The following CSF2RA variants were observed in gnomAD, a reference collection of about 807,000 sequenced individuals.
CSF2RA encodes the protein colony stimulating factor 2 receptor subunit alpha, also known as granulocyte-macrophage colony-stimulating factor receptor subunit alpha.
CSF2RA carries 42 observed loss-of-function variants against 51.6 expected under a neutral mutation model. The observed-to-expected ratio is 0.81, with a 90% CI of 0.64 to 1.05. The LOEUF is 1.05. Among genes scored for constraint, CSF2RA ranks in the 50% least tolerant of loss-of-function variants. The pLI, the probability that CSF2RA is intolerant of heterozygous loss-of-function variation, is 0.00. For missense variants in CSF2RA, 530 were observed against 501.1 expected, an observed-to-expected ratio of 1.06 and a Z score of -0.55; for synonymous variants, 222 against 193.0, an observed-to-expected ratio of 1.15 and a Z score of -1.24.
In CSF2RA at chrX:1,309,574, C is replaced by T; in HGVS notation, c.*95C>T. ...ATGCTGTGAACCTTTATATCATTTT[C>T]TATGTTTTTATTTAAAAACATGACA... On this transcript the variant is annotated 3_prime_UTR_variant, in exon 13 of 13. Transcript: ENST00000381529. 6.2e-7 allele frequency: 1 copy of T among 1,613,902 alleles called. No individual in the cohort carries two copies.
chrX:1,293,423 G>A (rs1308146147), intron 7 of CSF2RA, among the ~76,000 whole-genome samples: 1 of 152,134 alleles, frequency 6.6e-6, no homozygotes, highest in African/African-American at 2.4e-5. Flanking sequence ...GTTTCACCGT[G>A]TTAGCCAGGA....
intron 2 of CSF2RA, among the ~76,000 whole-genome samples, chrX:1,279,178 C>A (rs1204093642): frequency 1.3e-5 from 2 of 149,968 alleles, no homozygotes; most frequent in Non-Finnish European, 3.0e-5. Flanking sequence ...TGGTGAAACC[C>A]CGTCTCTACT....
At chrX:1,295,838 C>CCCCTACTCACCACATCTAGTGTAACT (rs2091891479) in intron 9 of CSF2RA, among the ~76,000 whole-genome samples, 2 of 122,690 alleles carry the variant, frequency 1.6e-5, no homozygotes, top group African/African-American at 3.3e-5. Context: ...CTAGCTTAAT[C>CCCCTACTCACCACATCTAGTGTAACT]CTACAGTCCC....
the CSF2RA span, among the ~76,000 whole-genome samples, chrX:1,324,695 G>A: frequency 1.5e-4 from 23 of 152,284 alleles, no homozygotes; most frequent in African/African-American, 5.1e-4. Context: ...CAGCAGGGCC[G>A]CTTGGGCATG....
intron 10 of CSF2RA, chrX:1,303,029 T>G: frequency 4.4e-6 from 1 of 227,638 alleles, no homozygotes; most frequent in Non-Finnish European, 8.1e-6. Flanking sequence ...GCATCACGCT[T>G]GGCCAATTTT....
At chrX:1,323,060 T>A in the CSF2RA span, among the ~76,000 whole-genome samples, 1 of 149,710 alleles carries the variant, frequency 6.7e-6, no homozygotes, top group African/African-American at 2.5e-5. Flanking sequence ...ACCCGGGAGG[T>A]GGAGGTTGCA....
intron 4 of CSF2RA, among the ~76,000 whole-genome samples, chrX:1,287,433 T>A (rs1471076042): frequency 6.6e-6 from 1 of 150,610 alleles, no homozygotes; most frequent in Non-Finnish European, 1.5e-5. Flanking sequence ...ATTACAGGTG[T>A]GAGCCACCGT....
intron 12 of CSF2RA, chrX:1,305,814 C>G: frequency 6.5e-7 from 1 of 1,540,898 alleles, no homozygotes; most frequent in Non-Finnish European, 8.8e-7. Flanking sequence ...GGCACGGTGG[C>G]TCATGCCTGT....
intron 4 of CSF2RA, among the ~76,000 whole-genome samples, chrX:1,287,630 G>T (rs1428913459): frequency 6.9e-6 from 1 of 144,706 alleles, no homozygotes; most frequent in Non-Finnish European, 1.5e-5. Context: ...TTTTAGTAGA[G>T]ACGGGGTTTC....
intron 1 of CSF2RA, among the ~76,000 whole-genome samples, chrX:1,273,258 G>A (rs2088681433): frequency 1.5e-5 from 2 of 136,082 alleles, no homozygotes; most frequent in African/African-American, 5.0e-5. Context: ...TCTGGCAAAC[G>A]TTACAAGACA....
chrX:1,314,059 C>T (rs2084301681), downstream of CSF2RA, among the ~76,000 whole-genome samples: 1 of 151,842 alleles, frequency 6.6e-6, no homozygotes, highest in Non-Finnish European at 1.5e-5. Context: ...AAACAGCCAG[C>T]AGAGATAGGG....
intron 2 of CSF2RA, among the ~76,000 whole-genome samples, chrX:1,281,564 C>T (rs1231186066): frequency 2.0e-5 from 3 of 151,768 alleles, no homozygotes; most frequent in Non-Finnish European, 1.5e-5. Context: ...CCTCCTCCTC[C>T]TTCTTTTTCC....
intron 12 of CSF2RA, 145 bp from the exon 13 acceptor site, chrX:1,309,257 G>A: frequency 1.2e-6 from 1 of 822,086 alleles, no homozygotes; most frequent in Admixed American, 2.3e-5. Context: ...CGAGGTTGCA[G>A]TGAGCTGAGA....
chrX:1,303,879 C>A, intron 10 of CSF2RA, 44 bp from the exon 11 acceptor site: 1 of 1,462,054 alleles, frequency 6.8e-7, no homozygotes, highest in Non-Finnish European at 9.6e-7. Flanking sequence ...TTTCACATGT[C>A]CGTCAACGAT....
intron 4 of CSF2RA, among the ~76,000 whole-genome samples, chrX:1,287,705 G>A (rs28541345): frequency 0.39 from 50,190 of 128,068 alleles, 10,174 homozygotes; most frequent in Admixed American, 0.46. Context: ...CGGCCTCCCA[G>A]AGTGCTGGCA....
At position 1,268,836 on chromosome X, in the gene CSF2RA, G is replaced by T. The variant is rs1333321934; in HGVS notation, c.-134G>T. On this transcript the variant is annotated 5_prime_UTR_variant, in exon 1 of 13. Transcript: ENST00000381529. ...GCTACTCAGAAGCGGGAGTCTCCGAGAGAAGAAAAGCAGGTGGAAGGAGAG... is the reference window on the plus strand; with the variant it reads ...GCTACTCAGAAGCGGGAGTCTCCGATAGAAGAAAAGCAGGTGGAAGGAGAG... 1 of 454,028 alleles carries T rather than the reference G, an allele frequency of 2.2e-6. No individual in the cohort carries two copies. The highest frequency in any genetic ancestry group is 6.9e-5 in the East Asian group (1 of 14,410). 28.1% of individuals were successfully genotyped at this position (454,028 alleles called of 1,614,324 possible). A position where few individuals can be genotyped will look rare whatever the true frequency, so the allele number is the denominator to read the frequency against.
chrX:1,273,367 A>C (rs1238663253), intron 1 of CSF2RA, among the ~76,000 whole-genome samples: 2 of 151,854 alleles, frequency 1.3e-5, no homozygotes, highest in Non-Finnish European at 2.9e-5. Flanking sequence ...GCTGGAGTGC[A>C]GTGGTGCAAT....
At chrX:1,314,381 G>GCCCAACCCCAC (rs2084362228), downstream of CSF2RA, among the ~76,000 whole-genome samples, 3 of 148,290 alleles carry the variant, frequency 2.0e-5, no homozygotes, top group African/African-American at 5.1e-5. Flanking sequence ...CAACCACTCT[G>GCCCAACCCCAC]TGCCTGCCCA....
intron 10 of CSF2RA, 127 bp from the exon 11 acceptor site, chrX:1,303,796 G>T (rs1482751568): frequency 2.3e-6 from 2 of 867,232 alleles, no homozygotes; most frequent in African/African-American, 1.6e-5. Context: ...AGGCAGGTTT[G>T]CTGGGCCCAG....
Sources: allele counts gnomAD v4.1 joint callset (sites outside exome capture counted in the v4.1 genomes callset), GRCh38; gene constraint gnomAD v4.1.1; transcripts MANE v1.5; gene names NCBI Gene and HGNC (gene_info 2026-07-23, HGNC 2026-07-21).